Variants in ATP11A observed in about 807,000 individuals in gnomAD.
ATP11A encodes the protein phospholipid-transporting ATPase IH.
In ATP11A, 81 loss-of-function variants were observed where a neutral mutation model predicts 154.4. The ratio of observed to expected loss-of-function variants is 0.52; its 90% CI spans 0.44 to 0.63. The LOEUF (loss-of-function observed/expected upper bound fraction) is 0.63. Ranked by LOEUF, ATP11A falls within the 30% of genes least tolerant of loss-of-function variation. The pLI, the probability that ATP11A is intolerant of heterozygous loss-of-function variation, is 0.00. For synonymous variants in ATP11A, 623 were observed against 585.9 expected, an observed-to-expected ratio of 1.06 and a Z score of -0.91; for missense variants, 1,316 against 1,474.3, an observed-to-expected ratio of 0.89 and a Z score of 1.76.
At chr13:112,717,419 G>T (rs1888595352) in intron 1 of ATP11A, 1 of 152,196 alleles carries the variant, frequency 6.6e-6, no homozygotes, top group Non-Finnish European at 1.5e-5. Context: ...AAGAGGGCGT[G>T]TGGGATTCTT....
chr13:112,734,405 A>T (rs922143548), intron 1 of ATP11A, among the ~76,000 whole-genome samples: 1 of 152,200 alleles, frequency 6.6e-6, no homozygotes, highest in African/African-American at 2.4e-5. Flanking sequence ...ATGGAATTTT[A>T]GTAACCCAAA....
chr13:112,744,692 C>T (rs1157706568), intron 1 of ATP11A, among the ~76,000 whole-genome samples: 2 of 152,186 alleles, frequency 1.3e-5, no homozygotes, highest in African/African-American at 4.8e-5. Context: ...GTGCATCCTC[C>T]ACACCTTCCC....
intron 2 of ATP11A, among the ~76,000 whole-genome samples, chr13:112,788,323 GT>G (rs2077719811): frequency 6.7e-6 from 1 of 149,466 alleles, no homozygotes; most frequent in African/African-American, 2.5e-5. Context: ...ATTCACACTG[GT>G]GTCCTGACGT....
chr13:112,863,023 CCA>C (rs1416558683), intron 25 of ATP11A, among the ~76,000 whole-genome samples: 1 of 148,656 alleles, frequency 6.7e-6, no homozygotes, highest in African/African-American at 2.6e-5. Flanking sequence ...GGGTCCATCA[CCA>C]CCTGTGCAGT....
chr13:112,825,191 C>G (rs1167157444), intron 10 of ATP11A, among the ~76,000 whole-genome samples: 1 of 152,244 alleles, frequency 6.6e-6, no homozygotes, highest in Admixed American at 6.5e-5. Context: ...AGCCCTCTCT[C>G]TCCTGCTTGT....
chr13:112,873,000 CT>C (rs869275290), intron 26 of ATP11A, among the ~76,000 whole-genome samples: 1,681 of 117,578 alleles, frequency 0.014, 11 homozygotes, highest in East Asian at 0.019. Flanking sequence ...GTGGCTTTGT[CT>C]TCCTGAGCGG....
rs928861907 is a variant in ATP11A, at chr13:112,785,607, C to T, written c.162+350C>T. On this transcript the variant is annotated intron_variant, in intron 2 of 29. Coordinates refer to ENST00000375645, the MANE Select transcript of ATP11A (RefSeq NM_015205.3). This position sits in a 1 kb window ranked among gnomAD's most constrained non-coding sequence, Gnocchi z 4.8. ...CGTGCTTGTCGTGGGCCACCCTGGC[C>T]AGAGTCTCAGTGCCAGTAAGGTAGA... 1.3e-5 allele frequency among the ~76,000 whole-genome samples: 2 copies of T among 152,132 alleles called. No homozygotes were observed. Among genetic ancestry groups the T allele is most frequent in the Non-Finnish European group, 2.9e-5 (2 of 68,026 alleles).
In ATP11A at chr13:112,794,271, C is replaced by G. The variant is rs75171790; in HGVS notation, c.162+9014C>G. Among the ~76,000 whole-genome samples, 4 of 152,312 alleles carry G rather than the reference C, an allele frequency of 2.6e-5. No homozygotes were observed. In the East Asian group the frequency reaches 7.7e-4, roughly 29 times the overall value. The stretch of plus-strand genomic sequence containing the variant: ...CATTGTGTCCCCAGGCAAATACTTA[C>G]ATTTTTACAATTCAACAACGATGAG... On this transcript the variant is annotated intron_variant, in intron 2 of 29. Coordinates refer to ENST00000375645, the MANE Select transcript of ATP11A (RefSeq NM_015205.3).
chr13:112,862,146 C>A (rs1046093728), intron 24 of ATP11A, among the ~76,000 whole-genome samples: 1 of 152,224 alleles, frequency 6.6e-6, no homozygotes, highest in African/African-American at 2.4e-5. Flanking sequence ...GTTCTCTGTT[C>A]GTTGCTTTCA....
At chr13:112,854,947 C>T (rs948875761) in intron 19 of ATP11A, among the ~76,000 whole-genome samples, 1 of 152,018 alleles carries the variant, frequency 6.6e-6, no homozygotes. Context: ...CAGTACATGC[C>T]CAAGAGTTGT....
Position 112,690,464 on chromosome 13 carries a change from T to C in ATP11A, c.39+9T>C, listed in dbSNP as rs1885016052. On this transcript the variant is annotated intron_variant, in intron 1 of 29. Coordinates refer to ENST00000375645, the MANE Select transcript of ATP11A (RefSeq NM_015205.3). This position sits in a 1 kb window ranked among gnomAD's most constrained non-coding sequence, Gnocchi z 5.6. ...CGCTCGTGCACAGATACGTGAGTGC[T>C]CCCGGCGCGGGCTGGGGGACCCGGG... The C allele has an allele frequency of 7.4e-7, 1 of 1,345,524 alleles. No homozygotes were observed. The highest frequency in any genetic ancestry group is 2.1e-5 in the South Asian group (1 of 47,724). The allele number at this position is 1,345,524 out of a possible 1,614,324, so 83.3% of individuals were successfully genotyped here. A position where few individuals can be genotyped will look rare whatever the true frequency, so the allele number is the denominator to read the frequency against.
chr13:112,878,531 C>T lies in ATP11A; in HGVS notation c.*9+228C>T, dbSNP rs115858407. Reference sequence around the variant, plus strand: ...CAGTTAACCAGGGTTTCTCCCTCAGCGTCCGTGCAGCCTCAGAACCCACCT... The same window carrying T: ...CAGTTAACCAGGGTTTCTCCCTCAGTGTCCGTGCAGCCTCAGAACCCACCT... On this transcript the variant is annotated intron_variant, in intron 29 of 29. Coordinates refer to ENST00000375645, the MANE Select transcript of ATP11A (RefSeq NM_015205.3). 1.4e-3 allele frequency: 837 copies of T among 591,608 alleles called. 7 individuals are homozygous for T. The highest frequency in any genetic ancestry group is 0.014 in the African/African-American group (743 of 53,862). The allele number at this position is 591,608 out of a possible 1,614,324, so 36.6% of individuals were successfully genotyped here. A position where few individuals can be genotyped will look rare whatever the true frequency, so the allele number is the denominator to read the frequency against.
intron 1 of ATP11A, among the ~76,000 whole-genome samples, chr13:112,771,690 G>A (rs867398219): frequency 2.4e-4 from 37 of 152,304 alleles, no homozygotes; most frequent in Middle Eastern, 3.4e-3. Flanking sequence ...CACAAAAGCC[G>A]GGAACTGCTG....
Position 112,875,625 on chromosome 13 carries a change from A to G in ATP11A, c.3162-151A>G, listed in dbSNP as rs1014914036. 9.7e-6 allele frequency: 7 copies of G among 721,564 alleles called. No individual in the cohort carries two copies. The highest frequency in any genetic ancestry group is 4.1e-4 in the Middle Eastern group (1 of 2,456). The allele number at this position is 721,564 out of a possible 1,614,324, so 44.7% of individuals were successfully genotyped here. On this transcript the variant is annotated intron_variant, in intron 27 of 29. Transcript: ENST00000375645. The surrounding 1 kb of genome is among the most constrained non-coding windows in gnomAD (Gnocchi z 4.1). ...GGGAGGTTCAGTGTTCATTTTTTAT[A>G]TGATAAATTCAGAGCAGGCTCCGTG...
intron 1 of ATP11A, among the ~76,000 whole-genome samples, chr13:112,775,390 C>CG (rs964171212): frequency 6.6e-6 from 1 of 152,146 alleles, no homozygotes; most frequent in African/African-American, 2.4e-5. Context: ...CTTCCACAGT[C>CG]GGGGGGCCGC....
chr13:112,744,642 C>G (rs991195726), intron 1 of ATP11A, among the ~76,000 whole-genome samples: 1 of 152,180 alleles, frequency 6.6e-6, no homozygotes, highest in Non-Finnish European at 1.5e-5. Flanking sequence ...AGTCAGCTCT[C>G]GGCTCGGTGC....
rs756909757 is a variant in ATP11A at position 112,873,652 on chromosome 13, C to T, written c.3137C>T (p.Ser1046Leu). Residue 1046 changes from serine to leucine, a missense_variant, in exon 27 of 30, where the codon TCG becomes TTG. Around this residue, in one of 5 missense-constraint regions of ATP11A, gnomAD observed 294 missense variants for 290.2 expected, o/e 1.01. Transcript: ENST00000375645. ...WGSLLFYVVFSLLWGGVIWPF... is the reference protein window; with the variant it reads ...WGSLLFYVVFLLLWGGVIWPF... ...TCGCTGCTGTTCTACGTTGTCTTTT[C>T]GCTTCTCTGGGGAGGAGTGATCTGG... 10 of 1,613,330 alleles carry T rather than the reference C, an allele frequency of 6.2e-6. No homozygotes were observed. The highest frequency in any genetic ancestry group is 2.2e-5 in the East Asian group (1 of 44,884).
chr13:112,751,100 C>T lies in ATP11A; in HGVS notation c.40-34035C>T, dbSNP rs1018785004. Among the ~76,000 whole-genome samples, 18 of 152,192 alleles carry T rather than the reference C, an allele frequency of 1.2e-4. No individual in the cohort carries two copies. In the East Asian group the frequency reaches 1.7e-3, roughly 15 times the overall value. On this transcript the variant is annotated intron_variant, in intron 1 of 29. Transcript: ENST00000375645. Reference sequence around the variant, plus strand: ...AGGGTCTCTCTGCTCCCTGTGGGACCGCCCTTTTCTCACTGTTGTGAGCAG... The same window carrying T: ...AGGGTCTCTCTGCTCCCTGTGGGACTGCCCTTTTCTCACTGTTGTGAGCAG...
intron 1 of ATP11A, among the ~76,000 whole-genome samples, chr13:112,715,703 C>T (rs1308700167): frequency 2.0e-5 from 3 of 150,850 alleles, no homozygotes; most frequent in Admixed American, 2.0e-4. Flanking sequence ...GATTAATCTT[C>T]TTCCAAAGAC....
Sources: gnomAD v4.1 joint callset for allele counts (sites outside exome capture counted in the v4.1 genomes callset) on GRCh38, gnomAD v4.1.1 for gene constraint, gnomAD v4.1.1 regional missense constraint, Gnocchi (gnomAD v3.1) non-coding constraint, MANE v1.5 for transcripts, NCBI Gene and HGNC (gene_info 2026-07-23, HGNC 2026-07-21) for gene names.